Variants in PLEKHG3 observed in about 807,000 individuals in gnomAD.
The protein encoded by PLEKHG3 is pleckstrin homology and RhoGEF domain containing G3, also known as pleckstrin homology domain-containing family G member 3.
PLEKHG3 carries 62 observed loss-of-function variants against 94.9 expected under a neutral mutation model. The observed-to-expected ratio is 0.65, with a 90% CI of 0.53 to 0.81. PLEKHG3 has a LOEUF of 0.81. PLEKHG3 is among the 30% of genes least tolerant of loss of function. PLEKHG3 has a pLI of 0.00. For missense variants in PLEKHG3, 1,461 were observed against 1,619.3 expected (o/e 0.90, Z 1.68); for synonymous variants, 614 against 654.0 (o/e 0.94, Z 0.93).
chr14:64,745,474 C>G lies in PLEKHG3; in HGVS notation c.*1771C>G, dbSNP rs1005074802. 4.6e-5 allele frequency: 7 copies of G among 152,284 alleles called. No individual in the cohort carries two copies. Among genetic ancestry groups the G allele is most frequent in the Admixed American group, 2.6e-4 (4 of 15,286 alleles). The allele number at this position is 152,284 out of a possible 1,614,324, so 9.4% of individuals were successfully genotyped here. A position where few individuals can be genotyped will look rare whatever the true frequency, so the allele number is the denominator to read the frequency against. On this transcript the variant is annotated 3_prime_UTR_variant, in exon 17 of 17. Transcript: ENST00000247226. This position sits in a 1 kb window ranked among gnomAD's most constrained non-coding sequence, Gnocchi z 5.0. ...GGGACCCAGATTCTTTTTTATCCCC[C>G]ACTTGAAACGGAGTCTTGCTCTGTC... is the stretch of plus-strand genomic sequence containing the variant.
In PLEKHG3 at chr14:64,718,653, G is replaced by A. The variant is rs1007220492; in HGVS notation, c.-39-8940G>A. Among the ~76,000 whole-genome samples, 1 of 152,196 alleles carries A rather than the reference G, an allele frequency of 6.6e-6. No homozygotes were observed. On this transcript the variant is annotated intron_variant, in intron 1 of 16. Coordinates refer to ENST00000247226, the MANE Select transcript of PLEKHG3 (RefSeq NM_001308147.2). The surrounding 1 kb of genome is among the most constrained non-coding windows in gnomAD (Gnocchi z 5.0). ...CATACAGTGGCTAGGCAGAGCCAGG[G>A]TAGTTTGGAGGAGTGCTGGCTGTAG...
At chr14:64,737,440 C>A in intron 14 of PLEKHG3, 65 bp downstream of exon 14, 1 of 1,156,530 alleles carries the variant, frequency 8.6e-7, no homozygotes, top group Non-Finnish European at 1.2e-6. Flanking sequence ...GGTCAGCCCC[C>A]GGCCCCTTCA....
chr14:64,749,923 G>A lies in PLEKHG3; in HGVS notation c.*6220G>A, dbSNP rs919799862. On this transcript the variant is annotated 3_prime_UTR_variant, in exon 17 of 17. Coordinates refer to ENST00000247226, the MANE Select transcript of PLEKHG3 (RefSeq NM_001308147.2). The surrounding 1 kb of genome is among the most constrained non-coding windows in gnomAD (Gnocchi z 4.7). ...GTCCCCTACAGAGGGCCTCTGCCCT[G>A]CCACTAATGCCAAATCAAGCCATCA... is the stretch of plus-strand genomic sequence containing the variant. The A allele has an allele frequency of 5.0e-6, 8 of 1,609,750 alleles. No individual in the cohort carries two copies. The African/African-American group carries it at 5.3e-5, about 11-fold the overall frequency.
Position 64,718,404 on chromosome 14 carries a change from A to G in PLEKHG3, c.-39-9189A>G, listed in dbSNP as rs1293005746. ...GAACTCCCATACTGCTCATGCCTGG[A>G]TTCTCTCCCTCCTTTTCTTACAGAT... On this transcript the variant is annotated intron_variant, in intron 1 of 16. Transcript: ENST00000247226. The surrounding 1 kb of genome is among the most constrained non-coding windows in gnomAD (Gnocchi z 5.0). 1.1e-4 allele frequency among the ~76,000 whole-genome samples: 17 copies of G among 152,004 alleles called. No homozygotes were observed. The highest frequency in any genetic ancestry group is 1.1e-3 in the Admixed American group (17 of 15,270).
intron 14 of PLEKHG3, 41 bp downstream of exon 14, chr14:64,737,416 G>T (rs1246793051): frequency 6.7e-7 from 1 of 1,489,552 alleles, no homozygotes; most frequent in African/African-American, 1.4e-5. Context: ...GACAGAGGAG[G>T]GTGGGACTGC....
At position 64,739,525 on chromosome 14, in the gene PLEKHG3, G is replaced by A. The variant is rs1233771874; in HGVS notation, c.1518+670G>A. Among the ~76,000 whole-genome samples the A allele has an allele frequency of 6.6e-6, 1 of 152,178 alleles. No homozygotes were observed. The highest frequency in any genetic ancestry group is 2.4e-5 in the African/African-American group (1 of 41,442). Reference sequence around the variant, plus strand: ...GAGCTACAGCCTGGACCCCATGTTGGACCCCACAGCCAGGACTGAGAAGCC... The same window carrying A: ...GAGCTACAGCCTGGACCCCATGTTGAACCCCACAGCCAGGACTGAGAAGCC... On this transcript the variant is annotated intron_variant, in intron 15 of 16. Coordinates refer to ENST00000247226, the MANE Select transcript of PLEKHG3 (RefSeq NM_001308147.2). This position sits in a 1 kb window ranked among gnomAD's most constrained non-coding sequence, Gnocchi z 4.1.
In PLEKHG3 at chr14:64,732,988, G is replaced by A; in HGVS notation, c.1345+87G>A. The A allele has an allele frequency of 1.2e-6, 1 of 815,478 alleles. No individual in the cohort carries two copies. Among genetic ancestry groups the A allele is most frequent in the African/African-American group, 1.7e-5 (1 of 58,734 alleles). The allele number at this position is 815,478 out of a possible 1,614,324, so 50.5% of individuals were successfully genotyped here. A position where few individuals can be genotyped will look rare whatever the true frequency, so the allele number is the denominator to read the frequency against. ...CGTCTGCGGCAGTGTCCAGGGCTGTGGCTCTCACCTCTGCGGAAACCCTGG... is the reference window on the plus strand; with the variant it reads ...CGTCTGCGGCAGTGTCCAGGGCTGTAGCTCTCACCTCTGCGGAAACCCTGG... On this transcript the variant is annotated intron_variant, in intron 12 of 16. Transcript: ENST00000247226. This position sits in a 1 kb window ranked among gnomAD's most constrained non-coding sequence, Gnocchi z 4.9.
In PLEKHG3 at chr14:64,738,653, G is replaced by C; in HGVS notation, c.1405-89G>C. 2 of 932,914 alleles carry C rather than the reference G, an allele frequency of 2.1e-6. No homozygotes were observed. The highest frequency in any genetic ancestry group is 3.4e-6 in the Non-Finnish European group (2 of 587,440). The allele number at this position is 932,914 out of a possible 1,614,324, so 57.8% of individuals were successfully genotyped here. On this transcript the variant is annotated intron_variant, in intron 14 of 16. Coordinates refer to ENST00000247226, the MANE Select transcript of PLEKHG3 (RefSeq NM_001308147.2). This position sits in a 1 kb window ranked among gnomAD's most constrained non-coding sequence, Gnocchi z 4.8. ...GGCTCTCAGCTCAGCCCAGCCCCTT[G>C]GGGCGTGGGAGGCACTGCCCGTGTT...
chr14:64,732,282 G>C lies in PLEKHG3; in HGVS notation c.1212+101G>C. ...GCTCACCTTCTGGATTTGGGCTCCA[G>C]TGGACAGTGAGTGTCAGTACAGCAG... On this transcript the variant is annotated intron_variant, in intron 10 of 16. Transcript: ENST00000247226. The surrounding 1 kb of genome is among the most constrained non-coding windows in gnomAD (Gnocchi z 4.9). The C allele has an allele frequency of 3.1e-6, 4 of 1,281,538 alleles. No homozygotes were observed. Among genetic ancestry groups the C allele is most frequent in the Admixed American group, 3.4e-5 (2 of 59,152 alleles). 79.4% of individuals were successfully genotyped at this position (1,281,538 alleles called of 1,614,324 possible).
Position 64,715,007 on chromosome 14 carries a change from A to G in PLEKHG3, c.-40+10303A>G, listed in dbSNP as rs143232988. Among the ~76,000 whole-genome samples, 532 of 152,200 alleles carry G rather than the reference A, an allele frequency of 3.5e-3. 4 individuals are homozygous for G. Among genetic ancestry groups the G allele is most frequent in the African/African-American group, 0.012 (498 of 41,512 alleles). On this transcript the variant is annotated intron_variant, in intron 1 of 16. Coordinates refer to ENST00000247226, the MANE Select transcript of PLEKHG3 (RefSeq NM_001308147.2). This position sits in a 1 kb window ranked among gnomAD's most constrained non-coding sequence, Gnocchi z 4.4. ...GAGAAAACAGCTTGGGATACTTGCT[A>G]CTCACTGAGACCCCGTGCAGGTTGG...
At chr14:64,734,871 T>A (rs556505112) in intron 12 of PLEKHG3, among the ~76,000 whole-genome samples, 10 of 151,158 alleles carry the variant, frequency 6.6e-5, no homozygotes, top group Admixed American at 6.6e-4. Flanking sequence ...CAGGCACGCG[T>A]CACCACGCCC....
At position 64,743,400 on chromosome 14, in the gene PLEKHG3, G is replaced by T. The variant is rs570865414; in HGVS notation, c.3357G>T (p.Leu1119=). 1 of 1,610,040 alleles carries T rather than the reference G, an allele frequency of 6.2e-7. No individual in the cohort carries two copies. The highest frequency in any genetic ancestry group is 8.5e-7 in the Non-Finnish European group (1 of 1,177,858). ...AGGCTGCCCAATCCCCTGGGCCTCT[G>T]CCCCAGAGCAAGCCGGATGGAGGCG... ...GGEAAQSPGP[L]PQSKPDGGET... Residue 1119 remains leucine (L), a synonymous_variant, in exon 17 of 17, where the codon CTG becomes CTT. Coordinates refer to ENST00000247226, the MANE Select transcript of PLEKHG3 (RefSeq NM_001308147.2). This position sits in a 1 kb window ranked among gnomAD's most constrained non-coding sequence, Gnocchi z 7.2.
intron 1 of PLEKHG3, among the ~76,000 whole-genome samples, chr14:64,708,560 G>A (rs547685858): frequency 1.9e-4 from 29 of 152,318 alleles, no homozygotes; most frequent in African/African-American, 7.0e-4. Flanking sequence ...AGAATTTAAA[G>A]TAACAGAGTG....
rs2080941262 is a variant in PLEKHG3, at chr14:64,704,447, CCT to C, written c.-296_-295del. 2 of 163,594 alleles carry C rather than the reference CCT, an allele frequency of 1.2e-5. No homozygotes were observed. Among genetic ancestry groups the C allele is most frequent in the Admixed American group, 6.5e-5 (1 of 15,480 alleles). The allele number at this position is 163,594 out of a possible 1,614,324, so 10.1% of individuals were successfully genotyped here. On this transcript the variant is annotated 5_prime_UTR_variant, in exon 1 of 17. Coordinates refer to ENST00000247226, the MANE Select transcript of PLEKHG3 (RefSeq NM_001308147.2). The surrounding 1 kb of genome is among the most constrained non-coding windows in gnomAD (Gnocchi z 5.6). The stretch of plus-strand genomic sequence containing the variant: ...TCGCTCCCTCGCTCCCTCGCTCCCT[CCT>C]GCCCTCCCGCTGCAGCTCCGGCTCC...
At position 64,731,190 on chromosome 14, in the gene PLEKHG3, TGGGGGAGGGGCAGG is replaced by T; in HGVS notation, c.849+23_849+36del. The T allele has an allele frequency of 9.9e-7, 1 of 1,005,212 alleles. No individual in the cohort carries two copies. Among genetic ancestry groups the T allele is most frequent in the Non-Finnish European group, 1.5e-6 (1 of 684,366 alleles). The allele number at this position is 1,005,212 out of a possible 1,614,324, so 62.3% of individuals were successfully genotyped here. On this transcript the variant is annotated intron_variant, in intron 7 of 16. Transcript: ENST00000247226. The surrounding 1 kb of genome is among the most constrained non-coding windows in gnomAD (Gnocchi z 6.1). ...TCCAGGTGCTCTGGGGCTGGGACGC[TGGGGGAGGGGCAGG>T]GCTGGGTGGGCCAGGCTTCCGCTGG...
rs544098495 is a variant in PLEKHG3, at chr14:64,716,960, G to C, written c.-39-10633G>C. Among the ~76,000 whole-genome samples the C allele has an allele frequency of 6.6e-6, 1 of 152,194 alleles. No homozygotes were observed. Among genetic ancestry groups the C allele is most frequent in the South Asian group, 2.1e-4 (1 of 4,828 alleles). On this transcript the variant is annotated intron_variant, in intron 1 of 16. Transcript: ENST00000247226. The surrounding 1 kb of genome is among the most constrained non-coding windows in gnomAD (Gnocchi z 5.0). ...AACTGGTTGGATGAGTTTCTTAGGC[G>C]TCTCTGGTGAGGCCCCTTAGTAGGG...
At position 64,722,181 on chromosome 14, in the gene PLEKHG3, A is replaced by G. The variant is rs1177386953; in HGVS notation, c.-39-5412A>G. Among the ~76,000 whole-genome samples, 1 of 152,110 alleles carries G rather than the reference A, an allele frequency of 6.6e-6. No homozygotes were observed. The highest frequency in any genetic ancestry group is 1.5e-5 in the Non-Finnish European group (1 of 68,020). On this transcript the variant is annotated intron_variant, in intron 1 of 16. Coordinates refer to ENST00000247226, the MANE Select transcript of PLEKHG3 (RefSeq NM_001308147.2). This position sits in a 1 kb window ranked among gnomAD's most constrained non-coding sequence, Gnocchi z 4.3. Reference sequence around the variant, plus strand: ...GAAGGCCACACAGGAGGGCTGCGCCATCGCCGTTCCTGAGTGAGGACTTTC... The same window carrying G: ...GAAGGCCACACAGGAGGGCTGCGCCGTCGCCGTTCCTGAGTGAGGACTTTC...
rs1217800156 is a variant in PLEKHG3 at position 64,738,296 on chromosome 14, C to G, written c.1405-446C>G. ...ATGTGCATGCCCACCCGAGGGCCCC[C>G]TCTGCTGCCCTCCTCACCCCACCCT... On this transcript the variant is annotated intron_variant, in intron 14 of 16. Transcript: ENST00000247226. The surrounding 1 kb of genome is among the most constrained non-coding windows in gnomAD (Gnocchi z 4.8). 19 of 945,984 alleles carry G rather than the reference C, an allele frequency of 2.0e-5. No homozygotes were observed. The highest frequency in any genetic ancestry group is 2.5e-5 in the Non-Finnish European group (17 of 688,024). 58.6% of individuals were successfully genotyped at this position (945,984 alleles called of 1,614,324 possible).
chr14:64,729,173 C>A, intron 3 of PLEKHG3, 80 bp downstream of exon 3: 1 of 641,368 alleles, frequency 1.6e-6, no homozygotes, highest in South Asian at 1.8e-5. Flanking sequence ...CTGGATGTCC[C>A]TGGTCTCATG....
Sources: allele counts gnomAD v4.1 joint callset (sites outside exome capture counted in the v4.1 genomes callset), GRCh38; gene constraint gnomAD v4.1.1; non-coding constraint Gnocchi (gnomAD v3.1); transcripts MANE v1.5; gene names NCBI Gene and HGNC (gene_info 2026-07-23, HGNC 2026-07-21).